Variants in RAB8B observed in about 807,000 individuals in gnomAD.
RAB8B encodes the protein RAB8B, member RAS oncogene family, also known as ras-related protein Rab-8B.
Under a neutral mutation model 32.0 loss-of-function variants are expected in RAB8B, and 11 were observed. The ratio of observed to expected loss-of-function variants is 0.34; its 90% CI spans 0.22 to 0.57. The LOEUF is 0.57. RAB8B is among the 20% of genes least tolerant of loss of function. The pLI, the probability that RAB8B is intolerant of heterozygous loss-of-function variation, is 0.86. For missense variants in RAB8B, 190 were observed against 258.5 expected, an observed-to-expected ratio of 0.73 and a Z score of 1.82; for synonymous variants, 103 against 89.6, an observed-to-expected ratio of 1.15 and a Z score of -0.85.
At chr15:63,234,583 C>T (rs1019926995) in intron 1 of RAB8B, among the ~76,000 whole-genome samples, 2 of 152,206 alleles carry the variant, frequency 1.3e-5, no homozygotes, top group African/African-American at 2.4e-5. Context: ...CCTCAGCTGC[C>T]TCCAGCGACA....
At chr15:63,193,438 G>C (rs139895063) in intron 1 of RAB8B, among the ~76,000 whole-genome samples, 1 of 152,128 alleles carries the variant, frequency 6.6e-6, no homozygotes, top group Non-Finnish European at 1.5e-5. Flanking sequence ...CAAGTGCCTA[G>C]GACCAACTCG....
At chr15:63,213,775 C>A (rs962638562) in intron 1 of RAB8B, among the ~76,000 whole-genome samples, 3 of 152,140 alleles carry the variant, frequency 2.0e-5, no homozygotes, top group African/African-American at 7.2e-5. Flanking sequence ...TATCTGCTCT[C>A]AAGAACAAAA....
At chr15:63,198,900 CA>C (rs1308509682) in intron 1 of RAB8B, among the ~76,000 whole-genome samples, 1 of 151,830 alleles carries the variant, frequency 6.6e-6, no homozygotes, top group Non-Finnish European at 1.5e-5. Flanking sequence ...AAATCCATTA[CA>C]AAAAAAAGAG....
chr15:63,195,083 T>A (rs187881327), intron 1 of RAB8B, among the ~76,000 whole-genome samples: 1 of 152,336 alleles, frequency 6.6e-6, no homozygotes, highest in East Asian at 1.9e-4. Context: ...TGATTTTCAT[T>A]TTCATAGTTG....
chr15:63,217,739 T>C (rs1595738503), intron 1 of RAB8B, among the ~76,000 whole-genome samples: 1 of 152,212 alleles, frequency 6.6e-6, no homozygotes, highest in African/African-American at 2.4e-5. Context: ...TCTAAACAAT[T>C]TAAAGTAAAA....
chr15:63,221,729 A>G (rs1192042911), intron 1 of RAB8B, among the ~76,000 whole-genome samples: 1 of 152,184 alleles, frequency 6.6e-6, no homozygotes, highest in Non-Finnish European at 1.5e-5. Flanking sequence ...GGGTCTGTAC[A>G]TGTGCTTGCC....
At chr15:63,258,916 C>G (rs779713312) in intron 5 of RAB8B, among the ~76,000 whole-genome samples, 2 of 152,108 alleles carry the variant, frequency 1.3e-5, no homozygotes, top group Non-Finnish European at 2.9e-5. Flanking sequence ...AAGGGAGTAA[C>G]CCCTGTACTT....
intron 1 of RAB8B, among the ~76,000 whole-genome samples, chr15:63,212,234 G>A (rs1321947504): frequency 2.0e-5 from 3 of 152,102 alleles, no homozygotes; most frequent in Admixed American, 6.5e-5. Context: ...GAACTAGTTC[G>A]CAGCAAAAAA....
chr15:63,210,563 A>C (rs377199467), intron 1 of RAB8B, among the ~76,000 whole-genome samples: 2 of 152,050 alleles, frequency 1.3e-5, no homozygotes, highest in Non-Finnish European at 2.9e-5. Context: ...GGTACCTTCC[A>C]CCTCCAGCTT....
At chr15:63,224,317 A>G (rs1347225289) in intron 1 of RAB8B, among the ~76,000 whole-genome samples, 1 of 152,230 alleles carries the variant, frequency 6.6e-6, no homozygotes, top group East Asian at 1.9e-4. Context: ...TATTCTTCAA[A>G]TGGCCAAGTA....
chr15:63,210,372 G>A lies in RAB8B; in HGVS notation c.124+20624G>A, dbSNP rs372789763. ...GCACAGCACTGTTACTTTCATTCTT[G>A]ATTACAAAATGTTTCCTCAATGAAT... On this transcript the variant is annotated intron_variant, in intron 1 of 7. Transcript: ENST00000321437. Among the ~76,000 whole-genome samples, 4 of 152,262 alleles carry A rather than the reference G, an allele frequency of 2.6e-5. No individual in the cohort carries two copies. In the South Asian group the frequency reaches 8.3e-4, roughly 32 times the overall value.
intron 5 of RAB8B, among the ~76,000 whole-genome samples, chr15:63,258,900 G>T (rs115824197): frequency 6.6e-6 from 1 of 152,058 alleles, no homozygotes; most frequent in African/African-American, 2.4e-5. Flanking sequence ...AGGGGAGGAG[G>T]TTGCAAAGGG....
At chr15:63,204,099 C>T (rs1402272875) in intron 1 of RAB8B, among the ~76,000 whole-genome samples, 1 of 151,706 alleles carries the variant, frequency 6.6e-6, no homozygotes, top group East Asian at 1.9e-4. Flanking sequence ...TTTTTTTAAT[C>T]CAGGTAACAT....
intron 1 of RAB8B, among the ~76,000 whole-genome samples, chr15:63,190,819 A>G (rs1431907249): frequency 6.6e-6 from 1 of 152,218 alleles, no homozygotes. Context: ...ATGAACTTAC[A>G]TTCTACCTGC....
intron 2 of RAB8B, among the ~76,000 whole-genome samples, chr15:63,245,644 C>T (rs1458808795): frequency 1.3e-5 from 2 of 152,192 alleles, no homozygotes; most frequent in Non-Finnish European, 2.9e-5. Flanking sequence ...GGCTGGGTCC[C>T]GCAGTGTCCC....
intron 1 of RAB8B, chr15:63,223,142 T>A (rs1000907889): frequency 2.3e-6 from 1 of 438,684 alleles, no homozygotes; most frequent in Non-Finnish European, 4.6e-6. Flanking sequence ...GACGGAATCT[T>A]GCTCTGTCAC....
intron 1 of RAB8B, among the ~76,000 whole-genome samples, chr15:63,189,996 A>G (rs1162313186): frequency 6.9e-6 from 1 of 144,496 alleles, no homozygotes; most frequent in East Asian, 2.0e-4. Context: ...AGGGGAACAG[A>G]GGAACAAGGA....
intron 1 of RAB8B, among the ~76,000 whole-genome samples, chr15:63,233,841 A>T (rs1484771880): frequency 6.6e-6 from 1 of 152,154 alleles, no homozygotes; most frequent in Non-Finnish European, 1.5e-5. Flanking sequence ...CACAGTATTT[A>T]ACTTCTGCTT....
chr15:63,263,906 A>C lies in RAB8B; in HGVS notation c.*287A>C. ...GCAGAAGCGGTTATCTTTCTTTTTT[A>C]CTTTGCACATCAGTGTTAGCCTTTC... is the stretch of plus-strand genomic sequence containing the variant. On this transcript the variant is annotated 3_prime_UTR_variant, in exon 8 of 8. Coordinates refer to ENST00000321437, the MANE Select transcript of RAB8B (RefSeq NM_016530.3). 3.2e-6 allele frequency: 1 copy of C among 308,138 alleles called. No homozygotes were observed. Among genetic ancestry groups the C allele is most frequent in the Non-Finnish European group, 6.1e-6 (1 of 164,780 alleles). 19.1% of individuals were successfully genotyped at this position (308,138 alleles called of 1,614,324 possible).
Sources: allele counts gnomAD v4.1 joint callset (sites outside exome capture counted in the v4.1 genomes callset), GRCh38; gene constraint gnomAD v4.1.1; transcripts MANE v1.5; gene names NCBI Gene and HGNC (gene_info 2026-07-23, HGNC 2026-07-21).